Variants in PAX1 observed in about 807,000 individuals in gnomAD.
The protein encoded by PAX1 is paired box protein Pax-1.
Under a neutral mutation model 35.6 loss-of-function variants are expected in PAX1, and 18 were observed. The ratio of observed to expected loss-of-function variants is 0.50; its 90% CI spans 0.35 to 0.75. The LOEUF is 0.75. Ranked by LOEUF, PAX1 falls within the 30% of genes least tolerant of loss-of-function variation. The probability of loss-of-function intolerance (pLI) is 0.01; values close to 1 mark genes in which losing one functional copy is unlikely to be tolerated. For synonymous variants in PAX1, 397 were observed against 305.2 expected (o/e 1.30, Z -3.14); for missense variants, 760 against 661.5 (o/e 1.15, Z -1.63).
rs1242286666 is a variant in PAX1, at chr20:21,715,389, A to G, written c.*827A>G. 1.9e-5 allele frequency: 3 copies of G among 153,914 alleles called. No homozygotes were observed. The East Asian group carries it at 5.8e-4, about 30-fold the overall frequency. 9.5% of individuals were successfully genotyped at this position (153,914 alleles called of 1,614,324 possible). A position where few individuals can be genotyped will look rare whatever the true frequency, so the allele number is the denominator to read the frequency against. On this transcript the variant is annotated 3_prime_UTR_variant, in exon 5 of 5. Transcript: ENST00000613128. ...ATTTTTTTTGTAATAACAAACCCTA[A>G]AAAACCCTCCATGAACTGTCCTCTC...
rs755246726 is a variant in PAX1 at position 21,706,664 on chromosome 20, C to T, written c.513C>T (p.Arg171=). 5 of 1,612,456 alleles carry T rather than the reference C, an allele frequency of 3.1e-6. No individual in the cohort carries two copies. The highest frequency in any genetic ancestry group is 4.2e-6 in the Non-Finnish European group (5 of 1,180,038). The part of the protein sequence containing the change: ...LPGAIGGSKP[R]VTTPNVVKHI... ...GGGCCATCGGGGGGAGCAAGCCCCG[C>T]GTCACCACTCCCAACGTGGTCAAGC... is the stretch of plus-strand genomic sequence containing the variant. The change falls in exon 2 of 5, where the codon CGC becomes CGT. Residue 171 remains arginine, a synonymous_variant. Coordinates refer to ENST00000613128, the MANE Select transcript of PAX1 (RefSeq NM_001257096.2). This position sits in a 1 kb window ranked among gnomAD's most constrained non-coding sequence, Gnocchi z 5.3.
intron 4 of PAX1, among the ~76,000 whole-genome samples, chr20:21,713,497 A>T: frequency 6.6e-6 from 1 of 152,076 alleles, no homozygotes; most frequent in East Asian, 1.9e-4. Context: ...AGGAGAAAAA[A>T]AAATCCAGAG....
At chr20:21,707,521 CCTACATCT>C (rs2122135758) in intron 2 of PAX1, among the ~76,000 whole-genome samples, 1 of 152,262 alleles carries the variant, frequency 6.6e-6, no homozygotes, top group Admixed American at 6.5e-5. Context: ...GATTGAGTGG[CCTACATCT>C]CTAAGGTCCT....
At position 21,705,681 on chromosome 20, in the gene PAX1, G is replaced by A. The variant is rs1600324047; in HGVS notation, c.-32G>A. On this transcript the variant is annotated 5_prime_UTR_variant, in exon 1 of 5. Transcript: ENST00000613128. ...GTCAAATTGATTCCCGCACGCTGCA[G>A]CCTCCCGGTCAGACGAATTTCTCCC... is the stretch of plus-strand genomic sequence containing the variant. 3.2e-6 allele frequency: 4 copies of A among 1,232,700 alleles called. No homozygotes were observed. The highest frequency in any genetic ancestry group is 4.1e-6 in the Non-Finnish European group (4 of 978,984). 76.4% of individuals were successfully genotyped at this position (1,232,700 alleles called of 1,614,324 possible). A position where few individuals can be genotyped will look rare whatever the true frequency, so the allele number is the denominator to read the frequency against.
In PAX1 at chr20:21,717,324, T is replaced by G. The variant is rs551908375; in HGVS notation, c.*2762T>G. On this transcript the variant is annotated 3_prime_UTR_variant, in exon 5 of 5. Coordinates refer to ENST00000613128, the MANE Select transcript of PAX1 (RefSeq NM_001257096.2). ...AACTTGGCTTAAATCTCTGCTCCACTGTATGTGTCAGGGGACTGGGACCTC... is the reference window on the plus strand; with the variant it reads ...AACTTGGCTTAAATCTCTGCTCCACGGTATGTGTCAGGGGACTGGGACCTC... 6.6e-6 allele frequency: 1 copy of G among 152,386 alleles called. No homozygotes were observed. Among genetic ancestry groups the G allele is most frequent in the Middle Eastern group, 3.4e-3 (1 of 294 alleles). The allele number at this position is 152,386 out of a possible 1,614,324, so 9.4% of individuals were successfully genotyped here. A position where few individuals can be genotyped will look rare whatever the true frequency, so the allele number is the denominator to read the frequency against.
Position 21,706,412 on chromosome 20 carries a change from C to T in PAX1, c.287-26C>T, listed in dbSNP as rs1301083433. The T allele has an allele frequency of 6.2e-7, 1 of 1,610,278 alleles. No individual in the cohort carries two copies. Among genetic ancestry groups the T allele is most frequent in the Non-Finnish European group, 8.5e-7 (1 of 1,179,910 alleles). On this transcript the variant is annotated intron_variant, in intron 1 of 4. Coordinates refer to ENST00000613128, the MANE Select transcript of PAX1 (RefSeq NM_001257096.2). This position sits in a 1 kb window ranked among gnomAD's most constrained non-coding sequence, Gnocchi z 5.3. ...CGCCGGGTGTTTTCTCCCCCTCCGG[C>T]TCACTCTTGTCTGGCGCATCCGCAG... is the stretch of plus-strand genomic sequence containing the variant.
intron 2 of PAX1, chr20:21,708,233 T>G (rs1245840291): frequency 2.0e-6 from 1 of 502,790 alleles, no homozygotes; most frequent in East Asian, 3.7e-5. Context: ...AGCTTTGAAC[T>G]CGGAAGTTTC....
At chr20:21,711,572 C>T (rs1002606602) in intron 4 of PAX1, among the ~76,000 whole-genome samples, 1 of 152,154 alleles carries the variant, frequency 6.6e-6, no homozygotes, top group African/African-American at 2.4e-5. Flanking sequence ...ATTTGTTACT[C>T]TAGTTATTAA....
chr20:21,714,109 C>T (rs2122148692), intron 4 of PAX1, among the ~76,000 whole-genome samples: 1 of 152,360 alleles, frequency 6.6e-6, no homozygotes, highest in Non-Finnish European at 1.5e-5. Context: ...GCGGAAGTCG[C>T]CATCAGACCT....
intron 4 of PAX1, among the ~76,000 whole-genome samples, chr20:21,711,678 A>G (rs569810023): frequency 7.9e-5 from 12 of 152,216 alleles, no homozygotes; most frequent in South Asian, 4.1e-4. Flanking sequence ...TGATTTCTCA[A>G]GCTGGCATGC....
chr20:21,708,363 C>A, intron 2 of PAX1, 195 bp from the exon 3 acceptor site: 1 of 741,246 alleles, frequency 1.3e-6, no homozygotes, highest in Non-Finnish European at 2.5e-6. Flanking sequence ...GGGCAGCAGG[C>A]CTGGCTGCCT....
rs770998874 is a variant in PAX1, at chr20:21,713,378, T to TGTGTGTGTGTG, written c.1283-1093_1283-1092insGTGTGTGTGTG. 2.9e-3 allele frequency among the ~76,000 whole-genome samples: 403 copies of TGTGTGTGTGTG among 138,048 alleles called. 3 individuals carry two copies. Among genetic ancestry groups the TGTGTGTGTGTG allele is most frequent in the African/African-American group, 1.0e-2 (360 of 36,040 alleles). 90.6% of individuals were successfully genotyped at this position (138,048 alleles called of 152,430 possible). ...TCAACGAAACCGTGTGTTTTCTTTT[T>TGTGTGTGTGTG]TTTTTGTGTGTGTGTGTGTGTGTGT... On this transcript the variant is annotated intron_variant, in intron 4 of 4. Coordinates refer to ENST00000613128, the MANE Select transcript of PAX1 (RefSeq NM_001257096.2).
At position 21,706,746 on chromosome 20, in the gene PAX1, C is replaced by A. The variant is rs767074372; in HGVS notation, c.595C>A (p.Arg199=). The A allele has an allele frequency of 1.1e-5, 18 of 1,613,518 alleles. No homozygotes were observed. Among genetic ancestry groups the A allele is most frequent in the Non-Finnish European group, 1.5e-5 (18 of 1,180,042 alleles). ...PGIFAWEIRD[R]LLADGVCDKY... ...CATCTTTGCCTGGGAGATCCGCGAC[C>A]GGCTGCTGGCCGACGGCGTCTGTGA... Residue 199 remains arginine, a synonymous_variant, in exon 2 of 5, where the codon CGG becomes AGG. Coordinates refer to ENST00000613128, the MANE Select transcript of PAX1 (RefSeq NM_001257096.2). This position sits in a 1 kb window ranked among gnomAD's most constrained non-coding sequence, Gnocchi z 5.3.
rs745305598 is a variant in PAX1, at chr20:21,714,694, C to G, written c.*132C>G. 3.7e-6 allele frequency: 6 copies of G among 1,606,030 alleles called. No individual in the cohort carries two copies. The Admixed American group carries it at 8.3e-5, about 22-fold the overall frequency. On this transcript the variant is annotated 3_prime_UTR_variant, in exon 5 of 5. Transcript: ENST00000613128. The stretch of plus-strand genomic sequence containing the variant: ...GCGGAGGAGGAAGCCAGTGCCGGCC[C>G]GCGGGGTGCACGCCCAGCCAGCCCC...
chr20:21,714,313 T>A (rs1392712215), intron 4 of PAX1, among the ~76,000 whole-genome samples, 158 bp from the exon 5 acceptor site: 1 of 152,146 alleles, frequency 6.6e-6, no homozygotes, highest in African/African-American at 2.4e-5. Flanking sequence ...CCACGGAAGC[T>A]TGGGGTCTCT....
rs554581490 is a variant in PAX1, at chr20:21,716,766, T to A, written c.*2204T>A. On this transcript the variant is annotated 3_prime_UTR_variant, in exon 5 of 5. Transcript: ENST00000613128. The stretch of plus-strand genomic sequence containing the variant: ...GAAAAAAGTATGACAGAGAAGCATG[T>A]TCCCAAGTCCCCCATCCTCTCAGCC... 1 of 152,156 alleles carries A rather than the reference T, an allele frequency of 6.6e-6. No homozygotes were observed. Among genetic ancestry groups the A allele is most frequent in the South Asian group, 2.1e-4 (1 of 4,820 alleles). 9.4% of individuals were successfully genotyped at this position (152,156 alleles called of 1,614,324 possible). A position where few individuals can be genotyped will look rare whatever the true frequency, so the allele number is the denominator to read the frequency against.
intron 4 of PAX1, among the ~76,000 whole-genome samples, chr20:21,712,627 T>A (rs553147161): frequency 1.3e-5 from 2 of 152,354 alleles, no homozygotes; most frequent in Admixed American, 6.5e-5. Flanking sequence ...GGAAATCAAA[T>A]CTATAAGATA....
chr20:21,711,570 C>T (rs968113200), intron 4 of PAX1, among the ~76,000 whole-genome samples: 2 of 152,158 alleles, frequency 1.3e-5, no homozygotes, highest in African/African-American at 4.8e-5. Context: ...TAATTTGTTA[C>T]TCTAGTTATT....
chr20:21,706,303 C>T lies in PAX1; in HGVS notation c.287-135C>T. The stretch of plus-strand genomic sequence containing the variant: ...ACCCAGGCGGTTTGCCCTTGGACTC[C>T]GAGCTGTCTGGGGACCCACAGGTCA... On this transcript the variant is annotated intron_variant, in intron 1 of 4. Coordinates refer to ENST00000613128, the MANE Select transcript of PAX1 (RefSeq NM_001257096.2). This position sits in a 1 kb window ranked among gnomAD's most constrained non-coding sequence, Gnocchi z 5.3. 8.1e-7 allele frequency: 1 copy of T among 1,233,142 alleles called. No homozygotes were observed. Among genetic ancestry groups the T allele is most frequent in the Non-Finnish European group, 1.2e-6 (1 of 853,878 alleles). The allele number at this position is 1,233,142 out of a possible 1,614,324, so 76.4% of individuals were successfully genotyped here.
Sources: gnomAD v4.1 joint callset for allele counts (sites outside exome capture counted in the v4.1 genomes callset) on GRCh38, gnomAD v4.1.1 for gene constraint, Gnocchi (gnomAD v3.1) non-coding constraint, MANE v1.5 for transcripts, NCBI Gene and HGNC (gene_info 2026-07-23, HGNC 2026-07-21) for gene names.